GRIK2: variants seen among roughly 807,000 people sequenced by gnomAD.
GRIK2 encodes the protein glutamate ionotropic receptor kainate type subunit 2, also known as glutamate receptor ionotropic, kainate 2.
In GRIK2, 32 loss-of-function variants were observed where a neutral mutation model predicts 100.3. That is an observed-to-expected ratio of 0.32 (90% confidence interval 0.24 to 0.43). GRIK2 has a LOEUF of 0.43. GRIK2 is among the 20% of genes least tolerant of loss of function. The probability of loss-of-function intolerance (pLI) is 1.00; values close to 1 mark genes in which losing one functional copy is unlikely to be tolerated. For missense variants in GRIK2, 843 were observed against 1,114.9 expected, an observed-to-expected ratio of 0.76 and a Z score of 3.47; for synonymous variants, 417 against 389.4, an observed-to-expected ratio of 1.07 and a Z score of -0.83.
At chr6:101,927,375 CA>C (rs554272602) in intron 13 of GRIK2, 361 of 422,918 alleles carry the variant, frequency 8.5e-4, no homozygotes, top group Non-Finnish European at 1.1e-3. Flanking sequence ...TACTCAAACA[CA>C]AATAAAATTA....
At chr6:101,574,359 T>A (rs1386475303) in intron 2 of GRIK2, among the ~76,000 whole-genome samples, 2 of 147,716 alleles carry the variant, frequency 1.4e-5, no homozygotes, top group East Asian at 3.9e-4. Context: ...TAATTATATA[T>A]ACTTATATAT....
intron 15 of GRIK2, among the ~76,000 whole-genome samples, chr6:102,050,843 G>C (rs1223608039): frequency 1.3e-5 from 2 of 151,868 alleles, no homozygotes; most frequent in Non-Finnish European, 1.5e-5. Flanking sequence ...AAATAAAGAA[G>C]AAAGATAAGA....
At chr6:101,447,969 A>G (rs1770471420) in intron 2 of GRIK2, among the ~76,000 whole-genome samples, 1 of 151,718 alleles carries the variant, frequency 6.6e-6, no homozygotes, top group African/African-American at 2.4e-5. Context: ...ATCATGTAGC[A>G]CAGAGTATGA....
intron 2 of GRIK2, among the ~76,000 whole-genome samples, chr6:101,599,325 G>A (rs566516732): frequency 6.6e-6 from 1 of 151,706 alleles, no homozygotes; most frequent in Non-Finnish European, 1.5e-5. Flanking sequence ...CTATTGATGG[G>A]CACCTTGGTT....
chr6:102,031,479 C>T (rs2114409860), intron 14 of GRIK2, among the ~76,000 whole-genome samples: 1 of 150,802 alleles, frequency 6.6e-6, no homozygotes, highest in Non-Finnish European at 1.5e-5. Context: ...ATAATTTCAA[C>T]TTATTTTAGA....
At chr6:101,727,577 A>T (rs1774961143) in intron 7 of GRIK2, among the ~76,000 whole-genome samples, 1 of 152,062 alleles carries the variant, frequency 6.6e-6, no homozygotes, top group Non-Finnish European at 1.5e-5. Flanking sequence ...ATTATCTTTC[A>T]ACTTTTTATC....
chr6:101,639,629 C>T (rs896218238), intron 4 of GRIK2, among the ~76,000 whole-genome samples: 7 of 145,448 alleles, frequency 4.8e-5, no homozygotes, highest in Non-Finnish European at 9.1e-5. Context: ...CATACATACA[C>T]ACAGTTTTCT....
intron 7 of GRIK2, among the ~76,000 whole-genome samples, chr6:101,772,812 G>GA (rs1285182071): frequency 1.3e-5 from 2 of 151,920 alleles, no homozygotes; most frequent in African/African-American, 4.8e-5. Context: ...TACTCCAGAT[G>GA]AAATTAAGTA....
intron 2 of GRIK2, among the ~76,000 whole-genome samples, chr6:101,584,276 G>A (rs1299232048): frequency 6.6e-6 from 1 of 152,012 alleles, no homozygotes; most frequent in African/African-American, 2.4e-5. Context: ...CCTCTCAGTT[G>A]TGCCCATCTA....
intron 10 of GRIK2, among the ~76,000 whole-genome samples, chr6:101,858,004 T>C (rs1784518452): frequency 6.6e-6 from 1 of 152,336 alleles, no homozygotes; most frequent in South Asian, 2.1e-4. Flanking sequence ...CTTGAAATAC[T>C]CTGTTTTCAG....
intron 2 of GRIK2, among the ~76,000 whole-genome samples, chr6:101,545,264 C>T (rs952092831): frequency 2.0e-5 from 3 of 152,044 alleles, no homozygotes; most frequent in African/African-American, 7.2e-5. Context: ...TATCTACCTC[C>T]GAGGTGTATA....
At chr6:102,053,233 A>C (rs948314415) in intron 15 of GRIK2, among the ~76,000 whole-genome samples, 1 of 152,176 alleles carries the variant, frequency 6.6e-6, no homozygotes, top group Non-Finnish European at 1.5e-5. Flanking sequence ...AAGAAATTTG[A>C]TAAACTATCA....
intron 14 of GRIK2, among the ~76,000 whole-genome samples, chr6:101,999,987 C>A (rs1438317158): frequency 1.3e-5 from 2 of 151,792 alleles, no homozygotes; most frequent in East Asian, 1.9e-4. Context: ...GTTAAAGCAA[C>A]CTTGTATTCC....
intron 7 of GRIK2, among the ~76,000 whole-genome samples, chr6:101,764,571 A>G (rs1169674151): frequency 1.3e-5 from 2 of 152,112 alleles, no homozygotes; most frequent in Non-Finnish European, 2.9e-5. Flanking sequence ...ATCTCAGTGA[A>G]TATTATGACC....
At chr6:101,425,632 T>G (rs1451709047) in intron 2 of GRIK2, among the ~76,000 whole-genome samples, 2 of 152,214 alleles carry the variant, frequency 1.3e-5, no homozygotes, top group African/African-American at 4.8e-5. Flanking sequence ...GCATATTTAT[T>G]TTTGAACAAT....
At chr6:101,707,536 GTATATATGTATATATGTGTA>G (rs1773393749) in intron 7 of GRIK2, among the ~76,000 whole-genome samples, 1 of 91,768 alleles carries the variant, frequency 1.1e-5, no homozygotes, top group Non-Finnish European at 1.9e-5. Context: ...ATATATGTGT[GTATATATGTATATATGTGTA>G]TATATATGTA....
At chr6:101,426,000 T>G (rs1177340941) in intron 2 of GRIK2, among the ~76,000 whole-genome samples, 5 of 152,224 alleles carry the variant, frequency 3.3e-5, no homozygotes, top group African/African-American at 1.2e-4. Context: ...TCTTTCAGAC[T>G]TGAAAGCTTG....
At position 101,881,149 on chromosome 6, in the gene GRIK2, A is replaced by C. The variant is rs76027734; in HGVS notation, c.1525-8491A>C. Among the ~76,000 whole-genome samples the C allele has an allele frequency of 6.1e-4, 93 of 152,000 alleles. 1 individual carries two copies. The East Asian group carries it at 0.017, about 27-fold the overall frequency. ...TTTGTGGACTTACTTTATTGTTTAT[A>C]GTTGTGTTTTATTTGATTAATGTTT... On this transcript the variant is annotated intron_variant, in intron 11 of 16. Transcript: ENST00000369134.
At chr6:101,975,028 T>C (rs1186437154) in intron 14 of GRIK2, among the ~76,000 whole-genome samples, 1 of 151,950 alleles carries the variant, frequency 6.6e-6, no homozygotes. Context: ...ATGAAAAGAA[T>C]AGTGCTGATT....
Sources: allele counts gnomAD v4.1 joint callset (sites outside exome capture counted in the v4.1 genomes callset), GRCh38; gene constraint gnomAD v4.1.1; transcripts MANE v1.5; gene names NCBI Gene and HGNC (gene_info 2026-07-23, HGNC 2026-07-21).